BBS9: variants seen among roughly 807,000 people sequenced by gnomAD.
The protein encoded by BBS9 is protein PTHB1.
BBS9 carries 89 observed loss-of-function variants against 117.7 expected under a neutral mutation model. The ratio of observed to expected loss-of-function variants is 0.76; its 90% confidence interval spans 0.64 to 0.90. The LOEUF is 0.90. Ranked by LOEUF, BBS9 falls within the 40% of genes least tolerant of loss-of-function variation. BBS9 has a pLI of 0.00. For synonymous variants in BBS9, 379 were observed against 370.9 expected (o/e 1.02, Z -0.25); for missense variants, 982 against 1,042.2 (o/e 0.94, Z 0.80).
intron 19 of BBS9, among the ~76,000 whole-genome samples, chr7:33,471,219 G>A (rs1225392023): frequency 2.6e-5 from 4 of 152,106 alleles, no homozygotes; most frequent in Non-Finnish European, 5.9e-5. Context: ...CAGTCATAGT[G>A]GGATGGGGGA....
At chr7:33,597,100 CA>C (rs1862971129) in intron 21 of BBS9, among the ~76,000 whole-genome samples, 1 of 149,426 alleles carries the variant, frequency 6.7e-6, no homozygotes, top group African/African-American at 2.5e-5. Context: ...CACACACACA[CA>C]CACACACACA....
chr7:33,299,398 C>T (rs77256957), intron 9 of BBS9, among the ~76,000 whole-genome samples: 1,899 of 151,930 alleles, frequency 0.012, 38 homozygotes, highest in African/African-American at 0.043. Flanking sequence ...TTTGCTTTGA[C>T]TTGACCCAAT....
chr7:33,190,851 G>A (rs2128190833), intron 5 of BBS9, among the ~76,000 whole-genome samples: 1 of 152,340 alleles, frequency 6.6e-6, no homozygotes, highest in Middle Eastern at 3.4e-3. Flanking sequence ...GGTAAGAGTG[G>A]AGAGGGAAGA....
At chr7:33,493,900 A>G (rs532787386) in intron 19 of BBS9, among the ~76,000 whole-genome samples, 5 of 152,194 alleles carry the variant, frequency 3.3e-5, no homozygotes, top group Non-Finnish European at 7.4e-5. Context: ...TTGCCAGTGA[A>G]CCAATTCTAA....
At chr7:33,205,839 G>T (rs1786803479) in intron 5 of BBS9, among the ~76,000 whole-genome samples, 1 of 152,010 alleles carries the variant, frequency 6.6e-6, no homozygotes, top group African/African-American at 2.4e-5. Flanking sequence ...GGACATCTCT[G>T]GTCATGTAGT....
chr7:33,601,243 A>G (rs1438458151), intron 21 of BBS9, among the ~76,000 whole-genome samples: 1 of 151,988 alleles, frequency 6.6e-6, no homozygotes, highest in Non-Finnish European at 1.5e-5. Context: ...CGCTTGCCTG[A>G]TTTCCAGGCC....
chr7:33,141,529 A>G (rs1303640195), intron 1 of BBS9, among the ~76,000 whole-genome samples: 1 of 152,170 alleles, frequency 6.6e-6, no homozygotes, highest in African/African-American at 2.4e-5. Flanking sequence ...CACTATGCCC[A>G]TCTAATTTTT....
At chr7:33,170,816 A>G (rs1309969209) in intron 4 of BBS9, among the ~76,000 whole-genome samples, 1 of 151,800 alleles carries the variant, frequency 6.6e-6, no homozygotes, top group African/African-American at 2.4e-5. Flanking sequence ...ACAACAGACA[A>G]ACAGAGAGCC....
chr7:33,505,553 C>A lies in BBS9; in HGVS notation c.2206C>A (p.Leu736Met). The change falls in exon 20 of 23, where the codon CTG becomes ATG. Residue 736 changes from leucine to methionine, a missense_variant. Leu to Met is a conservative substitution (Grantham distance 15, BLOSUM62 2). Coordinates refer to ENST00000242067, the MANE Select transcript of BBS9 (RefSeq NM_198428.3). The stretch of plus-strand genomic sequence containing the variant: ...GAAGAGTGCCACCCATTTGGTGATT[C>A]TGCTGATCGCGCTGTGGCAGAAGCT... ...RLKSATHLVI[L>M]LIALWQKLSA... The A allele has an allele frequency of 6.2e-7, 1 of 1,614,158 alleles. No individual in the cohort carries two copies. Among genetic ancestry groups the A allele is most frequent in the South Asian group, 1.1e-5 (1 of 91,086 alleles).
In BBS9 at chr7:33,322,472, T is replaced by G. The variant is rs552740554; in HGVS notation, c.1017-13969T>G. ...TCCTCATGGTTCAATCTTGGTATAT[T>G]TGTATGTGTCTAGGAATTTATCCAT... is the stretch of plus-strand genomic sequence containing the variant. On this transcript the variant is annotated intron_variant, in intron 9 of 22. Transcript: ENST00000242067. Among the ~76,000 whole-genome samples, 5 of 151,712 alleles carry G rather than the reference T, an allele frequency of 3.3e-5. No homozygotes were observed. The East Asian group carries it at 9.7e-4, about 29-fold the overall frequency.
chr7:33,350,205 T>C (rs1319622940), intron 13 of BBS9, among the ~76,000 whole-genome samples: 1 of 152,174 alleles, frequency 6.6e-6, no homozygotes, highest in Non-Finnish European at 1.5e-5. Flanking sequence ...CTATCTCTTA[T>C]TCACGAAGTC....
intron 21 of BBS9, among the ~76,000 whole-genome samples, chr7:33,624,243 A>G (rs1400534622): frequency 3.9e-5 from 6 of 152,192 alleles, no homozygotes; most frequent in South Asian, 2.1e-4. Flanking sequence ...ATATAATACT[A>G]TACTGAATAT....
intron 5 of BBS9, among the ~76,000 whole-genome samples, chr7:33,189,608 C>T (rs1783714622): frequency 6.6e-6 from 1 of 151,772 alleles, no homozygotes; most frequent in Admixed American, 6.6e-5. Flanking sequence ...AAAATAGTTG[C>T]TGGGTGTGGT....
At chr7:33,526,271 A>C (rs1412505049) in intron 20 of BBS9, among the ~76,000 whole-genome samples, 2 of 152,108 alleles carry the variant, frequency 1.3e-5, no homozygotes, top group Middle Eastern at 3.4e-3. Flanking sequence ...CGTTCTCTGT[A>C]TTTCCTGAAT....
intron 9 of BBS9, among the ~76,000 whole-genome samples, chr7:33,289,779 C>A (rs1420162806): frequency 6.6e-6 from 1 of 152,014 alleles, no homozygotes; most frequent in Non-Finnish European, 1.5e-5. Context: ...TGTGGTGGCT[C>A]ACGCCTGTAA....
intron 19 of BBS9, among the ~76,000 whole-genome samples, chr7:33,389,197 C>T (rs1389883115): frequency 6.6e-6 from 1 of 151,234 alleles, no homozygotes; most frequent in African/African-American, 2.4e-5. Flanking sequence ...TCAGCATCCG[C>T]CACCACATTC....
At chr7:33,422,896 C>G (rs1279941703) in intron 19 of BBS9, among the ~76,000 whole-genome samples, 3 of 152,158 alleles carry the variant, frequency 2.0e-5, no homozygotes, top group Non-Finnish European at 4.4e-5. Context: ...AGGCATGAGC[C>G]ATCCGTGCCT....
intron 19 of BBS9, among the ~76,000 whole-genome samples, chr7:33,480,382 G>A (rs1842368467): frequency 1.3e-5 from 2 of 152,104 alleles, no homozygotes; most frequent in South Asian, 4.1e-4. Flanking sequence ...CCATTAAATG[G>A]GGGAGAAAGA....
intron 8 of BBS9, 57 bp downstream of exon 8, chr7:33,273,252 C>T (rs533358388): frequency 1.7e-5 from 26 of 1,519,840 alleles, no homozygotes; most frequent in Non-Finnish European, 2.4e-5. Flanking sequence ...GTGATATACA[C>T]CAGAAAAAGC....
Sources: allele counts gnomAD v4.1 joint callset (sites outside exome capture counted in the v4.1 genomes callset), GRCh38; gene constraint gnomAD v4.1.1; transcripts MANE v1.5; gene names NCBI Gene and HGNC (gene_info 2026-07-23, HGNC 2026-07-21).